The following SNX29 variants were observed in gnomAD, a reference collection of about 807,000 sequenced individuals.
SNX29 encodes the protein sorting nexin-29.
In SNX29, 78 loss-of-function variants were observed where a neutral mutation model predicts 102.1. The observed-to-expected ratio is 0.76, with a 90% CI of 0.64 to 0.92. The LOEUF (loss-of-function observed/expected upper bound fraction) is 0.92, where lower values mean the gene tolerates loss of function less well. Among genes scored for constraint, SNX29 ranks in the 40% least tolerant of loss-of-function variants. The probability of loss-of-function intolerance (pLI) is 0.00; values close to 1 mark genes in which losing one functional copy is unlikely to be tolerated. For synonymous variants in SNX29, 580 were observed against 414.5 expected, an observed-to-expected ratio of 1.40 and a Z score of -4.85; for missense variants, 1,280 against 1,061.7, an observed-to-expected ratio of 1.21 and a Z score of -2.86.
chr16:12,428,080 T>C (rs940982829), intron 18 of SNX29, among the ~76,000 whole-genome samples: 7 of 152,244 alleles, frequency 4.6e-5, no homozygotes, highest in African/African-American at 1.4e-4. Flanking sequence ...ATACACACTG[T>C]TGAATATTCA....
chr16:12,348,136 C>G (rs1181307207), intron 15 of SNX29, among the ~76,000 whole-genome samples: 5 of 152,094 alleles, frequency 3.3e-5, no homozygotes, highest in Non-Finnish European at 7.3e-5. Flanking sequence ...ATTCTTTACA[C>G]AAGGTCATCC....
intron 13 of SNX29, among the ~76,000 whole-genome samples, chr16:12,198,377 A>G (rs1358026700): frequency 6.8e-6 from 1 of 147,594 alleles, no homozygotes; most frequent in Non-Finnish European, 1.5e-5. Context: ...AATAGGGTTT[A>G]TTTCAAGGTA....
At chr16:12,265,348 G>A (rs2078895569) in intron 14 of SNX29, among the ~76,000 whole-genome samples, 1 of 152,104 alleles carries the variant, frequency 6.6e-6, no homozygotes, top group South Asian at 2.1e-4. Context: ...ACTGTGGCTG[G>A]GGAAGGGTGT....
At chr16:12,483,319 CTT>C (rs71139599) in intron 19 of SNX29, among the ~76,000 whole-genome samples, 104 of 134,740 alleles carry the variant, frequency 7.7e-4, no homozygotes, top group South Asian at 3.1e-3. Flanking sequence ...ATTTACTTTT[CTT>C]TTTTTTTTTT....
chr16:12,142,016 C>T (rs1052279037), intron 13 of SNX29, among the ~76,000 whole-genome samples: 4 of 152,330 alleles, frequency 2.6e-5, no homozygotes, highest in East Asian at 1.9e-4. Flanking sequence ...TCATCATCCT[C>T]GTGATGACCC....
At chr16:12,176,394 A>G (rs959254948) in intron 13 of SNX29, among the ~76,000 whole-genome samples, 1 of 152,212 alleles carries the variant, frequency 6.6e-6, no homozygotes, top group Non-Finnish European at 1.5e-5. Flanking sequence ...AAATGGGAAT[A>G]GTGAATGTTC....
intron 18 of SNX29, among the ~76,000 whole-genome samples, chr16:12,453,964 G>GT (rs1260033940): frequency 1.3e-5 from 2 of 151,948 alleles, no homozygotes; most frequent in Non-Finnish European, 2.9e-5. Flanking sequence ...TTTTGTTGTT[G>GT]TTTTTTTCCT....
At chr16:12,538,775 C>G (rs946441149) in intron 20 of SNX29, among the ~76,000 whole-genome samples, 1 of 152,156 alleles carries the variant, frequency 6.6e-6, no homozygotes, top group Non-Finnish European at 1.5e-5. Flanking sequence ...GTGAGCATGT[C>G]ACATCGCCAA....
intron 11 of SNX29, among the ~76,000 whole-genome samples, chr16:12,123,226 A>G (rs1182808892): frequency 2.0e-5 from 3 of 152,192 alleles, no homozygotes; most frequent in Admixed American, 6.5e-5. Context: ...TGACTACCAC[A>G]ATCAGATGAA....
chr16:12,552,074 C>G (rs922282244), intron 20 of SNX29, among the ~76,000 whole-genome samples: 5 of 152,160 alleles, frequency 3.3e-5, no homozygotes, highest in African/African-American at 9.7e-5. Flanking sequence ...ATCTCTGTCT[C>G]AATCACTCAA....
chr16:12,187,472 C>T (rs1421177803), intron 13 of SNX29, among the ~76,000 whole-genome samples: 4 of 151,852 alleles, frequency 2.6e-5, no homozygotes, highest in Non-Finnish European at 4.4e-5. Context: ...TGCTTGAACC[C>T]AGGAGGCGGA....
At chr16:12,196,119 G>T (rs1274744523) in intron 13 of SNX29, among the ~76,000 whole-genome samples, 1 of 151,570 alleles carries the variant, frequency 6.6e-6, no homozygotes, top group Non-Finnish European at 1.5e-5. Context: ...GGGACAACAG[G>T]TGCATGCCAC....
intron 16 of SNX29, among the ~76,000 whole-genome samples, chr16:12,390,907 A>G (rs2083506999): frequency 6.6e-6 from 1 of 151,862 alleles, no homozygotes; most frequent in Non-Finnish European, 1.5e-5. Context: ...AAAAGAAAAA[A>G]ACACTTACTT....
chr16:12,505,941 T>C (rs1294004292), intron 19 of SNX29, among the ~76,000 whole-genome samples: 1 of 152,092 alleles, frequency 6.6e-6, no homozygotes, highest in Admixed American at 6.6e-5. Flanking sequence ...AGTTTTTCTA[T>C]AGAGTACAGG....
intron 11 of SNX29, among the ~76,000 whole-genome samples, chr16:12,080,812 C>T (rs912455618): frequency 3.3e-5 from 5 of 151,946 alleles, no homozygotes; most frequent in Non-Finnish European, 7.4e-5. Context: ...CTGCGTCAGC[C>T]TCCCAAGTAG....
At chr16:12,564,899 G>C (rs563414325) in intron 20 of SNX29, among the ~76,000 whole-genome samples, 1 of 148,466 alleles carries the variant, frequency 6.7e-6, no homozygotes, top group South Asian at 2.2e-4. Context: ...TGGGGAGGAG[G>C]CATCTGCAGC....
At chr16:12,562,826 C>T (rs1037909596) in intron 20 of SNX29, among the ~76,000 whole-genome samples, 2 of 152,138 alleles carry the variant, frequency 1.3e-5, no homozygotes, top group South Asian at 2.1e-4. Flanking sequence ...CCCAAATTTC[C>T]TAGCATTCCC....
intron 14 of SNX29, among the ~76,000 whole-genome samples, chr16:12,201,674 A>T (rs576894986): frequency 6.6e-6 from 1 of 152,294 alleles, no homozygotes; most frequent in South Asian, 2.1e-4. Context: ...TGGACTTAGG[A>T]TGAGGCTGTA....
intron 20 of SNX29, among the ~76,000 whole-genome samples, chr16:12,536,983 AAAAT>A (rs1485322608): frequency 6.8e-5 from 10 of 147,334 alleles, no homozygotes; most frequent in Non-Finnish European, 1.4e-4. Context: ...CCGTCTTAAA[AAAAT>A]AAAATAAAAA....
Sources: allele counts gnomAD v4.1 joint callset (sites outside exome capture counted in the v4.1 genomes callset), GRCh38; gene constraint gnomAD v4.1.1; transcripts MANE v1.5; gene names NCBI Gene and HGNC (gene_info 2026-07-23, HGNC 2026-07-21).